OTUD7A: variants seen among roughly 807,000 people sequenced by gnomAD.
OTUD7A encodes OTU deubiquitinase 7A.
OTUD7A carries 12 observed loss-of-function variants against 65.7 expected under a neutral mutation model. That is an observed-to-expected ratio of 0.18 (90% CI 0.12 to 0.30). OTUD7A has a LOEUF of 0.30. Ranked by LOEUF, OTUD7A falls within the 10% of genes least tolerant of loss-of-function variation. OTUD7A has a pLI of 1.00. For synonymous variants in OTUD7A, 641 were observed against 586.3 expected (o/e 1.09, Z -1.35); for missense variants, 1,148 against 1,304.8 (o/e 0.88, Z 1.85).
At chr15:31,744,270 C>G (rs1894418141) in intron 1 of OTUD7A, among the ~76,000 whole-genome samples, 1 of 152,036 alleles carries the variant, frequency 6.6e-6, no homozygotes, top group Admixed American at 6.6e-5. Flanking sequence ...TGGCATGAGG[C>G]TAGCATACCT....
At chr15:31,711,967 T>C (rs1893458015) in intron 1 of OTUD7A, among the ~76,000 whole-genome samples, 1 of 151,178 alleles carries the variant, frequency 6.6e-6, no homozygotes, top group Non-Finnish European at 1.5e-5. Flanking sequence ...CACTTGAGCG[T>C]CTACATGGTG....
intron 1 of OTUD7A, among the ~76,000 whole-genome samples, chr15:31,663,814 C>A (rs1028768595): frequency 2.6e-5 from 4 of 152,132 alleles, no homozygotes; most frequent in Admixed American, 2.6e-4. Context: ...GTCTTTTATC[C>A]TTTGCTCCCC....
rs1013777475 is a variant in OTUD7A at position 31,478,020 on chromosome 15, T to G, written c.*5274A>C. The G allele has an allele frequency of 2.6e-5, 4 of 152,220 alleles. No individual in the cohort carries two copies. The highest frequency in any genetic ancestry group is 9.7e-5 in the African/African-American group (4 of 41,418). The allele number at this position is 152,220 out of a possible 1,614,324, so 9.4% of individuals were successfully genotyped here. A position where few individuals can be genotyped will look rare whatever the true frequency, so the allele number is the denominator to read the frequency against. ...GGCTCTCTGGGGAAGAATGTTCAGGTAGAAGGAATGGCATGTGCAAAGGCC... is the reference window on the plus strand; with the variant it reads ...GGCTCTCTGGGGAAGAATGTTCAGGGAGAAGGAATGGCATGTGCAAAGGCC... On this transcript the variant is annotated 3_prime_UTR_variant, in exon 13 of 13. Transcript: ENST00000307050.
chr15:31,606,622 G>A (rs1263862886), intron 3 of OTUD7A, among the ~76,000 whole-genome samples: 2 of 152,150 alleles, frequency 1.3e-5, no homozygotes, highest in Non-Finnish European at 2.9e-5. Context: ...ATTCATCTGT[G>A]TAAACTGTAA....
chr15:31,840,198 T>A (rs1439577966), intron 1 of OTUD7A, among the ~76,000 whole-genome samples: 1 of 152,084 alleles, frequency 6.6e-6, no homozygotes, highest in Non-Finnish European at 1.5e-5. Flanking sequence ...GGTGAGTGGA[T>A]CACCTGAGGT....
At chr15:31,497,543 C>A (rs546012759) in intron 10 of OTUD7A, among the ~76,000 whole-genome samples, 54 of 152,262 alleles carry the variant, frequency 3.5e-4, no homozygotes, top group African/African-American at 1.3e-3. Context: ...AGCCACTGTG[C>A]CTGGCCAATA....
chr15:31,611,755 T>C (rs1347510026), intron 3 of OTUD7A, among the ~76,000 whole-genome samples: 1 of 152,102 alleles, frequency 6.6e-6, no homozygotes, highest in Non-Finnish European at 1.5e-5. Context: ...TTTGACACTA[T>C]TCCACAAGAT....
intron 3 of OTUD7A, among the ~76,000 whole-genome samples, chr15:31,639,111 G>A (rs1311655690): frequency 1.3e-5 from 2 of 150,766 alleles, no homozygotes; most frequent in Non-Finnish European, 3.0e-5. Context: ...TCCAGCCTCT[G>A]TCTAAAAAAA....
rs1238746602 is a variant in OTUD7A, at chr15:31,487,773, A to C, written c.1172-207T>G. Among the ~76,000 whole-genome samples, 2 of 152,208 alleles carry C rather than the reference A, an allele frequency of 1.3e-5. No homozygotes were observed. The highest frequency in any genetic ancestry group is 4.8e-5 in the African/African-American group (2 of 41,442). ...TTGCGGACAGTGGAGAGCAGTTGGA[A>C]GCGTCACCTGGACCCTGGCTCTCTT... is the stretch of plus-strand genomic sequence containing the variant. On this transcript the variant is annotated intron_variant, in intron 10 of 12. Transcript: ENST00000307050. This position sits in a 1 kb window ranked among gnomAD's most constrained non-coding sequence, Gnocchi z 6.0.
intron 1 of OTUD7A, among the ~76,000 whole-genome samples, chr15:31,681,208 C>A (rs1282549091): frequency 6.6e-6 from 1 of 151,476 alleles, no homozygotes; most frequent in East Asian, 1.9e-4. Flanking sequence ...TTTCTGTCTC[C>A]CCTTCTGTTG....
chr15:31,574,915 A>G (rs551839475), intron 3 of OTUD7A, among the ~76,000 whole-genome samples: 1 of 152,090 alleles, frequency 6.6e-6, no homozygotes, highest in East Asian at 1.9e-4. Flanking sequence ...CAGCCCCTCC[A>G]CTTTGGGCCT....
intron 1 of OTUD7A, among the ~76,000 whole-genome samples, chr15:31,773,061 CCTAT>C (rs916470693): frequency 1.3e-5 from 2 of 151,962 alleles, no homozygotes; most frequent in African/African-American, 4.8e-5. Context: ...TAGATATAAA[CCTAT>C]CTATGTATCT....
chr15:31,856,689 T>TA, intron 1 of OTUD7A, among the ~76,000 whole-genome samples: 1 of 152,298 alleles, frequency 6.6e-6, no homozygotes, highest in South Asian at 2.1e-4. Context: ...CGCCACACGT[T>TA]AATTAAACTC....
intron 1 of OTUD7A, among the ~76,000 whole-genome samples, chr15:31,699,697 T>G (rs1334923309): frequency 2.0e-5 from 3 of 152,032 alleles, no homozygotes; most frequent in Admixed American, 2.0e-4. Flanking sequence ...TCGGCCTCAG[T>G]GTGTCCACAC....
Position 31,501,824 on chromosome 15 carries a change from G to A in OTUD7A, c.1037C>T (p.Pro346Leu). 3.1e-6 allele frequency: 5 copies of A among 1,613,310 alleles called. No homozygotes were observed. Among genetic ancestry groups the A allele is most frequent in the Non-Finnish European group, 4.2e-6 (5 of 1,179,542 alleles). ...CAAGGGCAGGTAGATCCCTCCGAAT[G>A]GGATGGGTGCGAACGCTGTGGACAC... ...DSGGEAFAPI[P>L]FGGIYLPLEV... is the part of the protein sequence containing the mutation. Residue 346 changes from proline to leucine, a missense_variant, in exon 10 of 13, where the codon CCA becomes CTA. Coordinates refer to ENST00000307050, the MANE Select transcript of OTUD7A (RefSeq NM_001382637.1).
Position 31,484,582 on chromosome 15 carries a change from T to C in OTUD7A, c.1514A>G (p.Lys505Arg), listed in dbSNP as rs760827166. The part of the protein sequence containing the change: ...NNGKNGKDKE[K>R]EKQRKEKDKT... The stretch of plus-strand genomic sequence containing the variant: ...GTCCTTCTCCTTGCGCTGCTTCTCC[T>C]TCTCCTTGTCCTTGCCGTTCTTGCC... The change falls in exon 13 of 13, where the codon AAG becomes AGG. Residue 505 changes from lysine (K) to arginine (R), a missense_variant. By Grantham distance (26) the Lys-to-Arg change is conservative. This residue lies in a region of OTUD7A where 842 missense variants were observed against 769.5 expected (regional missense o/e 1.09). Coordinates refer to ENST00000307050, the MANE Select transcript of OTUD7A (RefSeq NM_001382637.1). This position sits in a 1 kb window ranked among gnomAD's most constrained non-coding sequence, Gnocchi z 4.5. 2.2e-5 allele frequency: 35 copies of C among 1,610,582 alleles called. No individual in the cohort carries two copies. In the Admixed American group the frequency reaches 4.4e-4, roughly 20 times the overall value.
intron 5 of OTUD7A, among the ~76,000 whole-genome samples, chr15:31,532,533 T>TAA (rs202169622): frequency 5.5e-4 from 81 of 147,444 alleles, no homozygotes; most frequent in South Asian, 3.9e-3. Flanking sequence ...AAATTAAACT[T>TAA]AAAAAAAAAA....
intron 3 of OTUD7A, among the ~76,000 whole-genome samples, chr15:31,621,216 C>T (rs1212199011): frequency 2.8e-4 from 42 of 151,474 alleles, no homozygotes; most frequent in Non-Finnish European, 4.7e-4. Context: ...ATAAGTGTGA[C>T]GTGGTGCTGA....
At chr15:31,592,100 C>T (rs1198935521) in intron 3 of OTUD7A, among the ~76,000 whole-genome samples, 1 of 152,112 alleles carries the variant, frequency 6.6e-6, no homozygotes, top group African/African-American at 2.4e-5. Flanking sequence ...TGGGAGTTAC[C>T]CTGGATGAGT....
Sources: gnomAD v4.1 joint callset for allele counts (sites outside exome capture counted in the v4.1 genomes callset) on GRCh38, gnomAD v4.1.1 for gene constraint, gnomAD v4.1.1 regional missense constraint, Gnocchi (gnomAD v3.1) non-coding constraint, MANE v1.5 for transcripts, NCBI Gene and HGNC (gene_info 2026-07-23, HGNC 2026-07-21) for gene names.